ATRX: variants seen among roughly 807,000 people sequenced by gnomAD.
The protein encoded by ATRX is ATRX chromatin remodeler, also known as chromatin remodeler ATRX.
A neutral mutation model predicts 172.6 loss-of-function variants in ATRX; 12 were observed. That is an observed-to-expected ratio of 0.07 (90% CI 0.04 to 0.11). The LOEUF (loss-of-function observed/expected upper bound fraction) is 0.11, where lower values mean the gene tolerates loss of function less well. Among genes scored for constraint, ATRX ranks in the 10% least tolerant of loss-of-function variants. ATRX has a pLI of 1.00. For missense variants in ATRX, 1,368 were observed against 1,767.4 expected, an observed-to-expected ratio of 0.77 and a Z score of 4.05; for synonymous variants, 674 against 594.7, an observed-to-expected ratio of 1.13 and a Z score of -1.94.
In ATRX at chrX:77,684,291, G is replaced by A. The variant is rs2148633555; in HGVS notation, c.965C>T (p.Ser322Leu). 1 of 1,208,670 alleles carries A rather than the reference G, an allele frequency of 8.3e-7. No individual in the cohort carries two copies. Among genetic ancestry groups the A allele is most frequent in the Non-Finnish European group, 1.1e-6 (1 of 892,858 alleles). The change falls in exon 9 of 35, where the codon TCA becomes TTA. Residue 322 changes from serine (S) to leucine (L), a missense_variant. Physicochemically the swap from Ser to Leu is moderately radical, Grantham distance 145 (BLOSUM62 -2). Coordinates refer to ENST00000373344, the MANE Select transcript of ATRX (RefSeq NM_000489.6). The part of the protein sequence containing the change: ...TSRFSPKKTS[S>L]NCNGEEKKLD... Reference sequence around the variant, plus strand: ...TTTCTTTTCTTCTCCATTACAATTTGAACTAGTCTTCTTTGGAGAAAATCT... The same window carrying A: ...TTTCTTTTCTTCTCCATTACAATTTAAACTAGTCTTCTTTGGAGAAAATCT...
chrX:77,627,870 GC>G (rs1465679959), intron 19 of ATRX, among the ~76,000 whole-genome samples: 1 of 110,423 alleles, frequency 9.1e-6, no homozygotes, highest in Admixed American at 9.7e-5. Context: ...CCATCTCCCT[GC>G]CCCCTAAATA....
chrX:77,745,359 G>A (rs1603300299), intron 1 of ATRX, among the ~76,000 whole-genome samples: 2 of 110,336 alleles, frequency 1.8e-5, no homozygotes, highest in East Asian at 2.9e-4. Flanking sequence ...ACAGACGGAC[G>A]AATAAAGAAA....
chrX:77,771,886 G>A (rs942154382), intron 1 of ATRX, among the ~76,000 whole-genome samples: 1 of 111,461 alleles, frequency 9.0e-6, no homozygotes, highest in Non-Finnish European at 1.9e-5. Flanking sequence ...AGAGGTCAGG[G>A]ATAAAATGCA....
At chrX:77,703,604 A>T (rs1198553333) in intron 2 of ATRX, among the ~76,000 whole-genome samples, 1 of 112,310 alleles carries the variant, frequency 8.9e-6, no homozygotes, top group Non-Finnish European at 1.9e-5. Flanking sequence ...GGCTCCCCAG[A>T]GGGCTGCAGC....
At chrX:77,671,930 G>A (rs781992366) in intron 10 of ATRX, among the ~76,000 whole-genome samples, 1 of 110,677 alleles carries the variant, frequency 9.0e-6, no homozygotes, top group South Asian at 3.8e-4. Flanking sequence ...TTTCCTGACT[G>A]GGAATTCTAG....
chrX:77,544,938 A>C (rs1365072839), intron 30 of ATRX, among the ~76,000 whole-genome samples: 1 of 111,447 alleles, frequency 9.0e-6, no homozygotes, highest in Non-Finnish European at 1.9e-5. Context: ...AAAAACAAAC[A>C]ACCCCATCAA....
At chrX:77,608,115 C>T (rs1051639812) in intron 22 of ATRX, among the ~76,000 whole-genome samples, 4 of 109,960 alleles carry the variant, frequency 3.6e-5, no homozygotes, top group African/African-American at 9.9e-5. Flanking sequence ...GGCACAGTGG[C>T]TCACACCTGT....
At chrX:77,626,026 G>GGC (rs2067816529) in intron 19 of ATRX, among the ~76,000 whole-genome samples, 2 of 58,381 alleles carry the variant, frequency 3.4e-5, no homozygotes, top group East Asian at 6.8e-4. Context: ...AAGAAATTGT[G>GGC]GCATATATAT....
intron 22 of ATRX, among the ~76,000 whole-genome samples, chrX:77,601,150 C>A (rs1390332309): frequency 9.0e-6 from 1 of 111,133 alleles, no homozygotes; most frequent in Non-Finnish European, 1.9e-5. Flanking sequence ...TACTGACTCT[C>A]GCCAACTATG....
intron 11 of ATRX, among the ~76,000 whole-genome samples, chrX:77,663,994 G>A (rs782511288): frequency 2.7e-5 from 3 of 109,184 alleles, no homozygotes; most frequent in Non-Finnish European, 3.8e-5. Context: ...CCAGCTACTC[G>A]GGAGGCTGAG....
chrX:77,711,248 C>T (rs1264425044), intron 2 of ATRX, among the ~76,000 whole-genome samples: 3 of 111,976 alleles, frequency 2.7e-5, no homozygotes, highest in Non-Finnish European at 3.8e-5. Context: ...ACATCCTTCA[C>T]TGTGAAAGAC....
chrX:77,754,569 A>T (rs1557189214), intron 1 of ATRX, among the ~76,000 whole-genome samples: 1 of 111,913 alleles, frequency 8.9e-6, no homozygotes, highest in East Asian at 2.8e-4. Context: ...GATTGTCCGT[A>T]AAGGATTTTA....
chrX:77,734,709 C>T (rs926603858), intron 1 of ATRX, among the ~76,000 whole-genome samples: 15 of 108,608 alleles, frequency 1.4e-4, no homozygotes, highest in Non-Finnish European at 2.3e-4. Flanking sequence ...ATCGCTTGAA[C>T]GCAGGAGGCA....
At chrX:77,745,919 AT>A (rs781796570) in intron 1 of ATRX, among the ~76,000 whole-genome samples, 6 of 110,783 alleles carry the variant, frequency 5.4e-5, no homozygotes, top group South Asian at 7.7e-4. Context: ...GTACACACAA[AT>A]TTTTTTTTAT....
rs781812494 is a variant in ATRX at position 77,698,342 on chromosome X, A to G, written c.189+232T>C. ...GCAATATAAAGACAGTTTAATATCTATCTGTTGGAAGTCTTCAGTTGTCTG... is the reference window on the plus strand; with the variant it reads ...GCAATATAAAGACAGTTTAATATCTGTCTGTTGGAAGTCTTCAGTTGTCTG... On this transcript the variant is annotated intron_variant, in intron 3 of 34. Transcript: ENST00000373344. Among the ~76,000 whole-genome samples, 6 of 111,910 alleles carry G rather than the reference A, an allele frequency of 5.4e-5. No homozygotes were observed. In the South Asian group the frequency reaches 2.3e-3, roughly 42 times the overall value.
At chrX:77,635,891 T>A (rs1557107804) in intron 16 of ATRX, 24 bp downstream of exon 16, 53 of 1,180,340 alleles carry the variant, frequency 4.5e-5, no homozygotes, top group Non-Finnish European at 5.7e-5. Flanking sequence ...CTAAAAATTA[T>A]TGAATCATCT....
chrX:77,708,507 C>T (rs1342010294), intron 2 of ATRX, among the ~76,000 whole-genome samples: 3 of 110,308 alleles, frequency 2.7e-5, no homozygotes, highest in African/African-American at 9.9e-5. Context: ...CTAAAAAATA[C>T]AAAAATTAGC....
chrX:77,681,992 A>T lies in ATRX; in HGVS notation c.3264T>A (p.Gly1088=). The change falls in exon 9 of 35, where the codon GGT becomes GGA. Residue 1088 remains glycine, a synonymous_variant. Coordinates refer to ENST00000373344, the MANE Select transcript of ATRX (RefSeq NM_000489.6). ...GCAACTTGCACCTTTTCTTCTCTCT[A>T]CCATATGCTCCATTCTTACTCTTTT... The part of the protein sequence containing the change: ...EDKKSKNGAY[G]REKKRCKLLG... 8.3e-7 allele frequency: 1 copy of T among 1,210,078 alleles called. No homozygotes were observed. Among genetic ancestry groups the T allele is most frequent in the Non-Finnish European group, 1.1e-6 (1 of 894,549 alleles).
intron 22 of ATRX, among the ~76,000 whole-genome samples, chrX:77,608,649 T>C (rs1165020307): frequency 9.0e-6 from 1 of 111,694 alleles, no homozygotes; most frequent in Non-Finnish European, 1.9e-5. Context: ...GAGAAACCAC[T>C]GGAGAAACTC....
Sources: allele counts gnomAD v4.1 joint callset (sites outside exome capture counted in the v4.1 genomes callset), GRCh38; gene constraint gnomAD v4.1.1; transcripts MANE v1.5; gene names NCBI Gene and HGNC (gene_info 2026-07-23, HGNC 2026-07-21).